The following NUMB variants were observed in gnomAD, a reference collection of about 807,000 sequenced individuals.
The protein encoded by NUMB is NUMB endocytic adaptor protein, also known as protein numb homolog.
Under a neutral mutation model 59.7 loss-of-function variants are expected in NUMB, and 29 were observed. The ratio of observed to expected loss-of-function variants is 0.49; its 90% CI spans 0.36 to 0.66. The LOEUF is 0.66. NUMB is among the 30% of genes least tolerant of loss of function. The pLI, the probability that NUMB is intolerant of heterozygous loss-of-function variation, is 0.00. For synonymous variants in NUMB, 288 were observed against 288.2 expected (o/e 1.00, Z 0.01); for missense variants, 723 against 822.0 (o/e 0.88, Z 1.47).
intron 7 of NUMB, among the ~76,000 whole-genome samples, chr14:73,296,288 C>T (rs1889764762): frequency 6.6e-6 from 1 of 151,932 alleles, no homozygotes; most frequent in Non-Finnish European, 1.5e-5. Context: ...ACCAAAAATA[C>T]AAAAATTAGC....
chr14:73,276,905 G>C lies in NUMB; in HGVS notation c.1629C>G (p.Gly543=). The change falls in exon 13 of 13, where the codon GGC becomes GGG. Residue 543 remains glycine, a synonymous_variant. Transcript: ENST00000555238. Reference sequence around the variant, plus strand: ...GATGGGGATGGGCAGCCTGAGGGTGGCCTGCAGTGCCAAATACGTTGGCCA... The same window carrying C: ...GATGGGGATGGGCAGCCTGAGGGTGCCCTGCAGTGCCAAATACGTTGGCCA... ...QMVANVFGTA[G]HPQAAHPHQS... is the part of the protein sequence containing the mutation. 6.2e-7 allele frequency: 1 copy of C among 1,614,062 alleles called. No individual in the cohort carries two copies. Among genetic ancestry groups the C allele is most frequent in the Non-Finnish European group, 8.5e-7 (1 of 1,179,966 alleles).
chr14:73,352,525 T>G (rs1893438359), intron 4 of NUMB, among the ~76,000 whole-genome samples: 1 of 23,350 alleles, frequency 4.3e-5, no homozygotes, highest in Non-Finnish European at 8.2e-5. Flanking sequence ...TATATATATA[T>G]ATATGTTTTT....
rs142156719 is a variant in NUMB at position 73,418,055 on chromosome 14, A to T, written c.-232-7987T>A. 2.9e-3 allele frequency among the ~76,000 whole-genome samples: 441 copies of T among 152,204 alleles called. 2 individuals carry two copies. Among genetic ancestry groups the T allele is most frequent in the African/African-American group, 0.01 (430 of 41,528 alleles). ...AGGAGGCGGAGGTCACAGTGAGCTG[A>T]GATCATGCCACTGTACTCCAGCCTG... On this transcript the variant is annotated intron_variant, in intron 1 of 12. Coordinates refer to ENST00000555238, the MANE Select transcript of NUMB (RefSeq NM_001005743.2).
intron 2 of NUMB, among the ~76,000 whole-genome samples, chr14:73,402,185 G>A (rs1199949337): frequency 6.6e-6 from 1 of 152,092 alleles, no homozygotes; most frequent in African/African-American, 2.4e-5. Context: ...TTATCATGGT[G>A]GGAAAAGACC....
At chr14:73,328,394 T>C (rs1891778926) in intron 4 of NUMB, among the ~76,000 whole-genome samples, 1 of 152,204 alleles carries the variant, frequency 6.6e-6, no homozygotes, top group Non-Finnish European at 1.5e-5. Context: ...AAGTATATCT[T>C]GGTTATTTCC....
At chr14:73,417,543 C>A (rs1214122663) in intron 1 of NUMB, among the ~76,000 whole-genome samples, 3 of 149,804 alleles carry the variant, frequency 2.0e-5, no homozygotes, top group African/African-American at 7.4e-5. Flanking sequence ...CAAAGTGAGA[C>A]CCTCTCTCAA....
chr14:73,320,364 G>A (rs1891339095), intron 5 of NUMB, among the ~76,000 whole-genome samples: 1 of 152,032 alleles, frequency 6.6e-6, no homozygotes, highest in South Asian at 2.1e-4. Context: ...AGTATGTTTA[G>A]AAAACAATCA....
chr14:73,442,878 T>C (rs1174953986), intron 1 of NUMB, among the ~76,000 whole-genome samples: 1 of 152,176 alleles, frequency 6.6e-6, no homozygotes, highest in Non-Finnish European at 1.5e-5. Context: ...TTTTTCTTTT[T>C]TTGAGACAGG....
intron 4 of NUMB, among the ~76,000 whole-genome samples, chr14:73,351,906 G>A (rs1215092376): frequency 6.6e-6 from 1 of 151,962 alleles, no homozygotes; most frequent in African/African-American, 2.4e-5. Context: ...AACCTGGGAG[G>A]TGGAGCTTGC....
intron 4 of NUMB, among the ~76,000 whole-genome samples, chr14:73,349,171 T>C (rs1414034949): frequency 6.6e-6 from 1 of 152,248 alleles, no homozygotes; most frequent in Non-Finnish European, 1.5e-5. Context: ...CCAGGCACTC[T>C]GGCTCATGCC....
chr14:73,354,385 C>T (rs909400428), intron 4 of NUMB, among the ~76,000 whole-genome samples: 3 of 151,724 alleles, frequency 2.0e-5, no homozygotes, highest in Admixed American at 2.0e-4. Flanking sequence ...GTGGTGCATG[C>T]CTGTAGTCCC....
chr14:73,292,020 C>T (rs1889434520), intron 8 of NUMB, among the ~76,000 whole-genome samples: 1 of 152,058 alleles, frequency 6.6e-6, no homozygotes, highest in Non-Finnish European at 1.5e-5. Context: ...AAGTATACTC[C>T]AACTCAGTTT....
chr14:73,318,664 T>C (rs1413299633), intron 5 of NUMB, among the ~76,000 whole-genome samples: 2 of 152,208 alleles, frequency 1.3e-5, no homozygotes, highest in Non-Finnish European at 2.9e-5. Flanking sequence ...CAATGGGCAA[T>C]AGTGATTTCT....
chr14:73,419,098 T>C (rs1180492830), intron 1 of NUMB, among the ~76,000 whole-genome samples: 2 of 152,154 alleles, frequency 1.3e-5, no homozygotes, highest in Non-Finnish European at 2.9e-5. Flanking sequence ...AAGTTAAGTA[T>C]GTTCATAATG....
At chr14:73,364,274 G>A (rs554864439) in intron 3 of NUMB, among the ~76,000 whole-genome samples, 55 of 152,188 alleles carry the variant, frequency 3.6e-4, no homozygotes, top group African/African-American at 1.3e-3. Context: ...CGGATAACTT[G>A]AGGCGGATAA....
chr14:73,380,108 C>T (rs575826426), intron 2 of NUMB, among the ~76,000 whole-genome samples: 3 of 152,270 alleles, frequency 2.0e-5, no homozygotes, highest in Non-Finnish European at 2.9e-5. Context: ...TTCCTGTTTG[C>T]GCCCCCAGCT....
Position 73,422,855 on chromosome 14 carries a change from A to C in NUMB, c.-232-12787T>G, listed in dbSNP as rs1244279157. ...AACCTGGGAATCACATTTCAACGTC[A>C]GATGTGGAAGGGACAAACAACCAAA... On this transcript the variant is annotated intron_variant, in intron 1 of 12. Transcript: ENST00000555238. 2.0e-5 allele frequency among the ~76,000 whole-genome samples: 3 copies of C among 151,270 alleles called. No individual in the cohort carries two copies. In the East Asian group the frequency reaches 5.9e-4, roughly 30 times the overall value.
chr14:73,315,847 A>G (rs1316809358), intron 6 of NUMB, among the ~76,000 whole-genome samples: 2 of 152,136 alleles, frequency 1.3e-5, no homozygotes, highest in Non-Finnish European at 1.5e-5. Context: ...CCTACTATTG[A>G]GGAGATAATC....
rs149924418 is a variant in NUMB at position 73,314,421 on chromosome 14, T to C, written c.234+1969A>G. 3.1e-3 allele frequency among the ~76,000 whole-genome samples: 470 copies of C among 150,760 alleles called. 2 individuals carry two copies. Among genetic ancestry groups the C allele is most frequent in the African/African-American group, 0.011 (444 of 41,288 alleles). On this transcript the variant is annotated intron_variant, in intron 6 of 12. Transcript: ENST00000555238. ...AGATGATTCATAATTCTCTTTCTTA[T>C]ACCATACAAATTCATCATGTAGCAA...
Sources: allele counts gnomAD v4.1 joint callset (sites outside exome capture counted in the v4.1 genomes callset), GRCh38; gene constraint gnomAD v4.1.1; transcripts MANE v1.5; gene names NCBI Gene and HGNC (gene_info 2026-07-23, HGNC 2026-07-21).